The following ZDHHC15 variants were observed in gnomAD, a reference collection of about 807,000 sequenced individuals.
ZDHHC15 encodes zDHHC palmitoyltransferase 15, also known as palmitoyltransferase ZDHHC15.
ZDHHC15 carries 19 observed loss-of-function variants against 31.7 expected under a neutral mutation model. That is an observed-to-expected ratio of 0.60 (90% CI 0.42 to 0.88). ZDHHC15 has a LOEUF of 0.88. ZDHHC15 is among the 40% of genes least tolerant of loss of function. The pLI, the probability that ZDHHC15 is intolerant of heterozygous loss-of-function variation, is 0.00. For missense variants in ZDHHC15, 209 were observed against 251.2 expected, an observed-to-expected ratio of 0.83 and a Z score of 1.14; for synonymous variants, 103 against 90.0, an observed-to-expected ratio of 1.14 and a Z score of -0.82.
At chrX:75,509,055 A>G (rs757235902) in intron 1 of ZDHHC15, among the ~76,000 whole-genome samples, 1 of 111,071 alleles carries the variant, frequency 9.0e-6, no homozygotes, top group South Asian at 3.8e-4. Context: ...TGGACCTAAA[A>G]CCATAAAAAC....
chrX:75,381,477 A>G (rs749575412), intron 10 of ZDHHC15, among the ~76,000 whole-genome samples: 1 of 111,547 alleles, frequency 9.0e-6, no homozygotes, highest in African/African-American at 3.3e-5. Context: ...TCATGAATCC[A>G]TTGCAACACA....
intron 3 of ZDHHC15, among the ~76,000 whole-genome samples, chrX:75,463,502 A>C (rs918710530): frequency 1.8e-5 from 2 of 110,424 alleles, no homozygotes; most frequent in South Asian, 3.9e-4. Context: ...CAACCTACAG[A>C]ATGGGAGAAA....
chrX:75,488,494 C>A (rs2084813937), intron 2 of ZDHHC15, among the ~76,000 whole-genome samples: 1 of 112,400 alleles, frequency 8.9e-6, no homozygotes, highest in African/African-American at 3.2e-5. Context: ...ATTACCAAGC[C>A]AGCTCTACAA....
chrX:75,453,807 A>T (rs2084167628), intron 3 of ZDHHC15, among the ~76,000 whole-genome samples: 2 of 111,727 alleles, frequency 1.8e-5, no homozygotes, highest in Non-Finnish European at 3.8e-5. Context: ...ATCTCAATAG[A>T]TGCAGCAAAG....
chrX:75,444,683 TATATACACAC>T (rs1198749245), intron 4 of ZDHHC15, among the ~76,000 whole-genome samples: 7 of 34,554 alleles, frequency 2.0e-4, no homozygotes, highest in African/African-American at 6.1e-4. Flanking sequence ...TATATATATA[TATATACACAC>T]ACACACACAC....
At chrX:75,465,363 G>A (rs1602673240) in intron 3 of ZDHHC15, among the ~76,000 whole-genome samples, 1 of 111,717 alleles carries the variant, frequency 9.0e-6, no homozygotes, top group Non-Finnish European at 1.9e-5. Context: ...ATCAATATCG[G>A]GAAAATGGCC....
intron 2 of ZDHHC15, chrX:75,502,108 T>A (rs1249282514): frequency 8.9e-6 from 1 of 112,047 alleles, no homozygotes; most frequent in Non-Finnish European, 1.9e-5. Flanking sequence ...ATGGCAGAAA[T>A]TTATTGTCTC....
intron 3 of ZDHHC15, among the ~76,000 whole-genome samples, chrX:75,456,346 C>T (rs1199897196): frequency 9.8e-6 from 1 of 101,841 alleles, no homozygotes; most frequent in African/African-American, 3.6e-5. Context: ...TATACCAGGG[C>T]CTGTCATGGG....
intron 9 of ZDHHC15, among the ~76,000 whole-genome samples, chrX:75,417,618 G>T (rs769199798): frequency 7.2e-5 from 8 of 111,879 alleles, no homozygotes; most frequent in African/African-American, 2.6e-4. Context: ...AAGACAATGC[G>T]CAAATGCACT....
At chrX:75,495,740 A>G (rs146061415) in intron 2 of ZDHHC15, among the ~76,000 whole-genome samples, 3,213 of 90,021 alleles carry the variant, frequency 0.036, 68 homozygotes, top group Non-Finnish European at 0.052. Context: ...ATGAGAACAC[A>G]TGGACACAGG....
chrX:75,386,005 T>G (rs780098353), intron 10 of ZDHHC15, among the ~76,000 whole-genome samples: 17 of 112,265 alleles, frequency 1.5e-4, no homozygotes, highest in Non-Finnish European at 3.2e-4. Context: ...ATCTCATAAC[T>G]TTAATATTCT....
intron 1 of ZDHHC15, among the ~76,000 whole-genome samples, chrX:75,513,189 A>T (rs1356358034): frequency 9.0e-6 from 1 of 111,722 alleles, no homozygotes; most frequent in African/African-American, 3.3e-5. Context: ...AAAACCCTAG[A>T]AGAAAACCTA....
intron 4 of ZDHHC15, among the ~76,000 whole-genome samples, chrX:75,441,618 GTTC>G (rs2083941747): frequency 2.0e-5 from 2 of 99,869 alleles, no homozygotes; most frequent in Admixed American, 2.2e-4. Context: ...TCCTGTGGTA[GTTC>G]TTTTTTTTTT....
chrX:75,391,445 C>A (rs192291812), intron 10 of ZDHHC15, among the ~76,000 whole-genome samples: 2 of 111,050 alleles, frequency 1.8e-5, no homozygotes, highest in African/African-American at 6.5e-5. Flanking sequence ...CCAAAGGTGA[C>A]AAATAAAGAA....
intron 10 of ZDHHC15, among the ~76,000 whole-genome samples, chrX:75,395,452 C>T (rs2083289442): frequency 9.0e-6 from 1 of 111,115 alleles, no homozygotes; most frequent in African/African-American, 3.3e-5. Flanking sequence ...ACCCCCTTCA[C>T]AATAGGTAAA....
chrX:75,449,654 C>A (rs1443568964), intron 4 of ZDHHC15, among the ~76,000 whole-genome samples: 3 of 111,964 alleles, frequency 2.7e-5, no homozygotes, highest in African/African-American at 6.5e-5. Context: ...ATACCAAGAA[C>A]ATAGTAAAAT....
At chrX:75,442,783 G>A (rs2147889292) in intron 4 of ZDHHC15, among the ~76,000 whole-genome samples, 1 of 108,714 alleles carries the variant, frequency 9.2e-6, no homozygotes, top group South Asian at 4.1e-4. Context: ...TCAGGAGATC[G>A]AGACCATCCT....
intron 10 of ZDHHC15, among the ~76,000 whole-genome samples, chrX:75,394,034 G>T (rs1361920279): frequency 9.0e-6 from 1 of 111,245 alleles, no homozygotes; most frequent in East Asian, 2.8e-4. Context: ...GAATGAGTCT[G>T]CTGTTCCCAA....
chrX:75,489,900 C>G (rs1360204090), intron 2 of ZDHHC15, among the ~76,000 whole-genome samples: 2 of 111,761 alleles, frequency 1.8e-5, no homozygotes, highest in Non-Finnish European at 3.8e-5. Flanking sequence ...CTTAAAGGAC[C>G]TGATGGAGCT....
Sources: gnomAD v4.1 joint callset for allele counts (sites outside exome capture counted in the v4.1 genomes callset) on GRCh38, gnomAD v4.1.1 for gene constraint, MANE v1.5 for transcripts, NCBI Gene and HGNC (gene_info 2026-07-23, HGNC 2026-07-21) for gene names.